CASKIN1: variants seen among roughly 807,000 people sequenced by gnomAD.
CASKIN1 encodes CASK interacting protein 1, also known as caskin-1.
CASKIN1 carries 42 observed loss-of-function variants against 117.5 expected under a neutral mutation model. That is an observed-to-expected ratio of 0.36 (90% CI 0.28 to 0.46). The LOEUF is 0.46. Ranked by LOEUF, CASKIN1 falls within the 20% of genes least tolerant of loss-of-function variation. The pLI is 1.00. For missense variants in CASKIN1, 2,083 were observed against 2,077.3 expected, an observed-to-expected ratio of 1.00 and a Z score of -0.05; for synonymous variants, 1,148 against 961.7, an observed-to-expected ratio of 1.19 and a Z score of -3.59.
Position 2,196,425 on chromosome 16 carries a change from T to G in CASKIN1, c.8A>C (p.Lys3Thr). 7.7e-7 allele frequency: 1 copy of G among 1,303,152 alleles called. No individual in the cohort carries two copies. The highest frequency in any genetic ancestry group is 9.9e-7 in the Non-Finnish European group (1 of 1,010,974). 80.7% of individuals were successfully genotyped at this position (1,303,152 alleles called of 1,614,324 possible). A position where few individuals can be genotyped will look rare whatever the true frequency, so the allele number is the denominator to read the frequency against. Reference sequence around the variant, plus strand: ...CACCGCCTGCACCAGCTCCTGCTCCTTCCCCATGGCGCGGCCGGGGCCGCA... The same window carrying G: ...CACCGCCTGCACCAGCTCCTGCTCCGTCCCCATGGCGCGGCCGGGGCCGCA... MG[K>T]EQELVQAVKA... Residue 3 changes from lysine (K) to threonine (T), a missense_variant, in exon 1 of 20, where the codon AAG (lysine) becomes ACG (threonine). Around this residue, in one of 3 missense-constraint regions of CASKIN1, gnomAD observed 62 missense variants for 49.7 expected, o/e 1.25. Transcript: ENST00000343516. This position sits in a 1 kb window ranked among gnomAD's most constrained non-coding sequence, Gnocchi z 5.7.
In CASKIN1 at chr16:2,178,154, G is replaced by A. The variant is rs2093149370; in HGVS notation, c.*396C>T. ...ATATTCTGGGGGTGCGGTGGGGCAGGGGGGCCCTGACCTTGGTCCCCTGTC... is the reference window on the plus strand; with the variant it reads ...ATATTCTGGGGGTGCGGTGGGGCAGAGGGGCCCTGACCTTGGTCCCCTGTC... On this transcript the variant is annotated 3_prime_UTR_variant, in exon 20 of 20. Transcript: ENST00000343516. The A allele has an allele frequency of 4.1e-6, 2 of 491,600 alleles. No individual in the cohort carries two copies. Among genetic ancestry groups the A allele is most frequent in the Non-Finnish European group, 3.9e-6 (1 of 256,818 alleles). 30.5% of individuals were successfully genotyped at this position (491,600 alleles called of 1,614,324 possible).
rs1355658972 is a variant in CASKIN1, at chr16:2,180,871, C to G, written c.2497G>C (p.Ala833Pro). The change falls in exon 18 of 20, where the codon GCC becomes CCC. Residue 833 changes from alanine to proline, a missense_variant. Ala to Pro is a conservative substitution (Grantham distance 27). Coordinates refer to ENST00000343516, the MANE Select transcript of CASKIN1 (RefSeq NM_020764.4). ...LPQSPTHRGF[A>P]YVLPQPVEGE... The stretch of plus-strand genomic sequence containing the variant: ...TCCACGGGCTGGGGCAGCACGTAGG[C>G]AAAGCCGCGGTGCGTCGGTGACTGA... The G allele has an allele frequency of 2.1e-6, 3 of 1,419,706 alleles. No individual in the cohort carries two copies. The highest frequency in any genetic ancestry group is 2.7e-6 in the Non-Finnish European group (3 of 1,094,268). The allele number at this position is 1,419,706 out of a possible 1,614,324, so 87.9% of individuals were successfully genotyped here. A position where few individuals can be genotyped will look rare whatever the true frequency, so the allele number is the denominator to read the frequency against.
At chr16:2,188,289 C>T (rs1041658939) in intron 6 of CASKIN1, among the ~76,000 whole-genome samples, 10 of 151,566 alleles carry the variant, frequency 6.6e-5, no homozygotes, top group East Asian at 3.9e-4. Context: ...CAGGCTCATG[C>T]GATCCTCCCA....
chr16:2,188,785 C>T, intron 6 of CASKIN1: 1 of 525,616 alleles, frequency 1.9e-6, no homozygotes, highest in Non-Finnish European at 3.3e-6. Flanking sequence ...AAGTTCAGCA[C>T]CTCCTCGAGC....
At position 2,177,215 on chromosome 16, in the gene CASKIN1, C is replaced by T. The variant is rs142263447; in HGVS notation, c.*1335G>A. On this transcript the variant is annotated 3_prime_UTR_variant, in exon 20 of 20. Transcript: ENST00000343516. ...GCTGTTTATTGACAGCCGACGGCAG[C>T]GCCTTGCCCAGACCTCCCCTGCCCA... The T allele has an allele frequency of 1.2e-3, 281 of 243,898 alleles. 1 individual carries two copies. The East Asian group carries it at 0.013, about 11-fold the overall frequency. 15.1% of individuals were successfully genotyped at this position (243,898 alleles called of 1,614,324 possible).
rs746279188 is a variant in CASKIN1, at chr16:2,187,429, C to T, written c.650G>A (p.Arg217His). ...LLLQAGIDINRQTKSGTALHE... is the reference protein window; with the variant it reads ...LLLQAGIDINHQTKSGTALHE... ...CAGGGCCGTGCCGGACTTGGTCTGG[C>T]GGTTAATGTCGATGCCGGCTTGGAG... The change falls in exon 7 of 20, where the codon CGC (arginine) becomes CAC (histidine). Residue 217 changes from arginine (R) to histidine (H), a missense_variant. Physicochemically the swap from Arg to His is conservative, Grantham distance 29 (BLOSUM62 0). This residue lies in a region of CASKIN1 where 203 missense variants were observed against 338.7 expected (regional missense o/e 0.60). Coordinates refer to ENST00000343516, the MANE Select transcript of CASKIN1 (RefSeq NM_020764.4). The T allele has an allele frequency of 8.7e-6, 14 of 1,608,604 alleles. No homozygotes were observed. The highest frequency in any genetic ancestry group is 2.2e-5 in the East Asian group (1 of 44,886).
chr16:2,179,353 G>C lies in CASKIN1; in HGVS notation c.3776-28C>G, dbSNP rs2093157946. 2.3e-6 allele frequency: 3 copies of C among 1,322,828 alleles called. No individual in the cohort carries two copies. The highest frequency in any genetic ancestry group is 2.9e-6 in the Non-Finnish European group (3 of 1,042,338). The allele number at this position is 1,322,828 out of a possible 1,614,324, so 81.9% of individuals were successfully genotyped here. A position where few individuals can be genotyped will look rare whatever the true frequency, so the allele number is the denominator to read the frequency against. On this transcript the variant is annotated intron_variant, in intron 18 of 19. Transcript: ENST00000343516. This position sits in a 1 kb window ranked among gnomAD's most constrained non-coding sequence, Gnocchi z 5.8. ...GCGGGGAGGACCACGCTGGCACCGA[G>C]CGGGCACGAGTTCCGCCGCCGCGCC... is the stretch of plus-strand genomic sequence containing the variant.
At position 2,180,085 on chromosome 16, in the gene CASKIN1, T is replaced by G; in HGVS notation, c.3283A>C (p.Thr1095Pro). The G allele has an allele frequency of 1.3e-6, 2 of 1,566,056 alleles. No homozygotes were observed. Among genetic ancestry groups the G allele is most frequent in the Non-Finnish European group, 1.7e-6 (2 of 1,156,714 alleles). The part of the protein sequence containing the change: ...ADPGPFVEDG[T>P]GRQRPRGPSK... The stretch of plus-strand genomic sequence containing the variant: ...GGACCCCGAGGCCGCTGCCGGCCAG[T>G]GCCATCCTCCACAAAGGGGCCTGGG... The change falls in exon 18 of 20, where the codon ACT becomes CCT. Residue 1095 changes from threonine to proline, a missense_variant. Physicochemically the swap from Thr to Pro is conservative, Grantham distance 38. This residue lies in a region of CASKIN1 where 1,818 missense variants were observed against 1,688.9 expected (regional missense o/e 1.08). Transcript: ENST00000343516.
At chr16:2,184,025 CCAGCCGTG>C in intron 14 of CASKIN1, 84 bp from the exon 15 acceptor site, 1 of 929,446 alleles carries the variant, frequency 1.1e-6, no homozygotes, top group South Asian at 1.6e-5. Flanking sequence ...GCTTGGCCGG[CCAGCCGTG>C]CAGCCACTGC....
At chr16:2,188,828 G>A (rs1049933515) in intron 6 of CASKIN1, 199 bp downstream of exon 6, 39 of 699,368 alleles carry the variant, frequency 5.6e-5, no homozygotes, top group East Asian at 2.0e-4. Context: ...GGACAGAGAC[G>A]TCGCAGAAGC....
intron 1 of CASKIN1, among the ~76,000 whole-genome samples, chr16:2,192,337 T>G (rs1647751660): frequency 6.7e-6 from 1 of 149,070 alleles, no homozygotes; most frequent in African/African-American, 2.5e-5. Context: ...ATGAATCAGA[T>G]CTTGCCACGC....
At chr16:2,186,880 G>T in intron 9 of CASKIN1, 56 bp from the exon 10 acceptor site, 1 of 1,603,630 alleles carries the variant, frequency 6.2e-7, no homozygotes, top group Non-Finnish European at 8.5e-7. Flanking sequence ...AGAGTCTCCT[G>T]CCCAGTGCCC....
chr16:2,181,604 G>T lies in CASKIN1; in HGVS notation c.1769-5C>A. 1 of 1,551,356 alleles carries T rather than the reference G, an allele frequency of 6.4e-7. No individual in the cohort carries two copies. Among genetic ancestry groups the T allele is most frequent in the Non-Finnish European group, 8.7e-7 (1 of 1,151,376 alleles). On this transcript the variant is annotated splice_polypyrimidine_tract_variant and splice_region_variant and intron_variant, in intron 17 of 19. Transcript: ENST00000343516. ...GCATCAGCTTCTTCTGGTGCCCTGAGTGGGGCGCAGGGGGCAGGTCAGGTG... is the reference window on the plus strand; with the variant it reads ...GCATCAGCTTCTTCTGGTGCCCTGATTGGGGCGCAGGGGGCAGGTCAGGTG...
At chr16:2,183,612 C>T in intron 16 of CASKIN1, 34 bp downstream of exon 16, 1 of 1,605,196 alleles carries the variant, frequency 6.2e-7, no homozygotes, top group Non-Finnish European at 8.5e-7. Context: ...TCTGCCCGTC[C>T]TGGGCCCAGC....
chr16:2,194,783 C>T (rs889491700), intron 1 of CASKIN1, among the ~76,000 whole-genome samples: 2 of 152,138 alleles, frequency 1.3e-5, no homozygotes, highest in South Asian at 4.1e-4. Flanking sequence ...CCCCACACCT[C>T]CCCAGAATGG....
In CASKIN1 at chr16:2,178,453, C is replaced by G. The variant is rs1169159554; in HGVS notation, c.*97G>C. ...AGTTGTGCTTCTGCAGGGCCCTGCC[C>G]GGCCGCTCGCGCCGCGCCCAGACGC... On this transcript the variant is annotated 3_prime_UTR_variant, in exon 20 of 20. Coordinates refer to ENST00000343516, the MANE Select transcript of CASKIN1 (RefSeq NM_020764.4). 14 of 983,422 alleles carry G rather than the reference C, an allele frequency of 1.4e-5. No homozygotes were observed. Among genetic ancestry groups the G allele is most frequent in the East Asian group, 3.3e-5 (1 of 30,112 alleles). The allele number at this position is 983,422 out of a possible 1,614,324, so 60.9% of individuals were successfully genotyped here.
Position 2,187,289 on chromosome 16 carries a change from G to C in CASKIN1, c.727-15C>G. On this transcript the variant is annotated splice_polypyrimidine_tract_variant and intron_variant, in intron 7 of 19. Transcript: ENST00000343516. ...TTGATCCCGCTCTGCACATGTGAGA[G>C]ATGAGGCTCTGTCAGGAGCCCCTAC... is the stretch of plus-strand genomic sequence containing the variant. The C allele has an allele frequency of 6.2e-7, 1 of 1,613,912 alleles. No homozygotes were observed. Among genetic ancestry groups the C allele is most frequent in the Non-Finnish European group, 8.5e-7 (1 of 1,179,904 alleles).
chr16:2,181,031 C>T lies in CASKIN1; in HGVS notation c.2337G>A (p.Thr779=), dbSNP rs377303307. ...GAGAGCCTGGTCGGGTTTTGGTGGG[C>T]GTCTGGGGGGGCGTGAAGTGGCTAG... ...PGTSHFTPPQ[T]PTKTRPGSPQ... The change falls in exon 18 of 20, where the codon ACG becomes ACA. Residue 779 remains threonine (T), a synonymous_variant. Transcript: ENST00000343516. The T allele has an allele frequency of 5.9e-5, 88 of 1,486,136 alleles. No individual in the cohort carries two copies. The highest frequency in any genetic ancestry group is 1.5e-4 in the Admixed American group (6 of 38,806). The allele number at this position is 1,486,136 out of a possible 1,614,324, so 92.1% of individuals were successfully genotyped here.
chr16:2,181,358 C>G lies in CASKIN1; in HGVS notation c.2010G>C (p.Glu670Asp). The change falls in exon 18 of 20, where the codon GAG becomes GAC. Residue 670 changes from glutamate to aspartate, a missense_variant. Coordinates refer to ENST00000343516, the MANE Select transcript of CASKIN1 (RefSeq NM_020764.4). ...ELQAAMTGPA[E>D]VGPTTEKPSS... ...AGGGCTTCTCAGTGGTGGGCCCCAC[C>G]TCAGCCGGGCCAGTCATGGCAGCCT... is the stretch of plus-strand genomic sequence containing the variant. The G allele has an allele frequency of 6.2e-7, 1 of 1,607,226 alleles. No homozygotes were observed. The highest frequency in any genetic ancestry group is 1.1e-5 in the South Asian group (1 of 90,542).
Sources: allele counts gnomAD v4.1 joint callset (sites outside exome capture counted in the v4.1 genomes callset), GRCh38; gene constraint gnomAD v4.1.1; regional missense constraint gnomAD v4.1.1; non-coding constraint Gnocchi (gnomAD v3.1); transcripts MANE v1.5; gene names NCBI Gene and HGNC (gene_info 2026-07-23, HGNC 2026-07-21).